The following PCP4 variants were observed in gnomAD, a reference collection of about 807,000 sequenced individuals.
The protein encoded by PCP4 is Purkinje cell protein 4, also known as calmodulin regulator protein PCP4.
In PCP4, 8 loss-of-function variants were observed where a neutral mutation model predicts 10.0. The observed-to-expected ratio is 0.80, with a 90% CI of 0.47 to 1.45. The LOEUF is 1.45. PCP4 is among the 40% of genes most tolerant of loss of function. PCP4 has a pLI of 0.00. For synonymous variants in PCP4, 21 were observed against 23.0 expected (o/e 0.91, Z 0.24); for missense variants, 54 against 74.4 (o/e 0.73, Z 1.01).
chr21:39,919,446 C>G (rs2087584363), intron 2 of PCP4, among the ~76,000 whole-genome samples: 1 of 152,186 alleles, frequency 6.6e-6, no homozygotes, highest in Non-Finnish European at 1.5e-5. Flanking sequence ...AATTTAGGTC[C>G]TTTTATAGTA....
At chr21:39,904,480 T>C (rs2087496982) in intron 2 of PCP4, among the ~76,000 whole-genome samples, 1 of 152,232 alleles carries the variant, frequency 6.6e-6, no homozygotes, top group African/African-American at 2.4e-5. Context: ...GAACCAAGGA[T>C]GATTGAGTGA....
At chr21:39,907,552 T>C (rs1230439121) in intron 2 of PCP4, among the ~76,000 whole-genome samples, 1 of 152,110 alleles carries the variant, frequency 6.6e-6, no homozygotes, top group Admixed American at 6.5e-5. Context: ...TCCCAGCACT[T>C]TGGGAGGCCG....
intron 1 of PCP4, among the ~76,000 whole-genome samples, chr21:39,888,774 G>A (rs1175202637): frequency 6.6e-6 from 1 of 152,202 alleles, no homozygotes; most frequent in Non-Finnish European, 1.5e-5. Context: ...CCCAGCCCAG[G>A]ACCTGGCTCA....
chr21:39,887,906 C>T (rs1158048490), intron 1 of PCP4, among the ~76,000 whole-genome samples: 1 of 152,196 alleles, frequency 6.6e-6, no homozygotes, highest in Non-Finnish European at 1.5e-5. Context: ...TTTTGTGTCT[C>T]TGCTGTGTGG....
chr21:39,897,530 A>G lies in PCP4; in HGVS notation c.10-946A>G, dbSNP rs533353838. On this transcript the variant is annotated intron_variant, in intron 1 of 2. Coordinates refer to ENST00000328619, the MANE Select transcript of PCP4 (RefSeq NM_006198.3). ...TAGAACCACGTTAAGCTTTGAGGAA[A>G]CACCCTTTCTGTTTACATGTGTGGT... Among the ~76,000 whole-genome samples, 7 of 152,310 alleles carry G rather than the reference A, an allele frequency of 4.6e-5. No individual in the cohort carries two copies. In the East Asian group the frequency reaches 1.3e-3, roughly 29 times the overall value.
chr21:39,929,196 G>A lies in PCP4; in HGVS notation c.*85G>A, dbSNP rs985130053. ...AATTAAAAGAACAACACCCTAGAGA[G>A]AAGTCATCCACACACAATCCACACA... On this transcript the variant is annotated 3_prime_UTR_variant, in exon 3 of 3. Transcript: ENST00000328619. 8 of 1,381,222 alleles carry A rather than the reference G, an allele frequency of 5.8e-6. No homozygotes were observed. Among genetic ancestry groups the A allele is most frequent in the African/African-American group, 1.4e-5 (1 of 69,102 alleles). The allele number at this position is 1,381,222 out of a possible 1,614,324, so 85.6% of individuals were successfully genotyped here. A position where few individuals can be genotyped will look rare whatever the true frequency, so the allele number is the denominator to read the frequency against.
chr21:39,877,012 A>C (rs2087349535), intron 1 of PCP4, among the ~76,000 whole-genome samples: 1 of 152,252 alleles, frequency 6.6e-6, no homozygotes, highest in South Asian at 2.1e-4. Flanking sequence ...TCATTTTAAA[A>C]TAGGGGACTG....
chr21:39,900,994 G>T (rs1460626359), intron 2 of PCP4, among the ~76,000 whole-genome samples: 3 of 152,114 alleles, frequency 2.0e-5, no homozygotes, highest in African/African-American at 7.2e-5. Flanking sequence ...AAAATGAAAA[G>T]TCATTATATT....
intron 2 of PCP4, among the ~76,000 whole-genome samples, chr21:39,912,128 A>C (rs956669343): frequency 2.0e-5 from 3 of 152,016 alleles, no homozygotes; most frequent in Non-Finnish European, 4.4e-5. Flanking sequence ...ATTCTATCTA[A>C]ATTTGTTTCT....
intron 1 of PCP4, among the ~76,000 whole-genome samples, chr21:39,880,136 A>ATATCTATATCTG (rs2087366686): frequency 3.0e-5 from 2 of 66,160 alleles, no homozygotes; most frequent in Admixed American, 1.4e-4. Flanking sequence ...ATCTGTATCT[A>ATATCTATATCTG]TATCTATATC....
At chr21:39,894,929 A>G (rs370116786) in intron 1 of PCP4, among the ~76,000 whole-genome samples, 19 of 152,328 alleles carry the variant, frequency 1.2e-4, no homozygotes, top group Admixed American at 7.8e-4. Context: ...GTCATGAAAA[A>G]GAATCTTTTC....
At chr21:39,899,434 C>A (rs1452408838) in intron 2 of PCP4, among the ~76,000 whole-genome samples, 1 of 152,124 alleles carries the variant, frequency 6.6e-6, no homozygotes, top group African/African-American at 2.4e-5. Context: ...ATCTCAAATA[C>A]CATCGGTTAA....
intron 1 of PCP4, among the ~76,000 whole-genome samples, chr21:39,879,881 C>T (rs374277323): frequency 1.3e-5 from 2 of 152,270 alleles, no homozygotes; most frequent in South Asian, 2.1e-4. Context: ...CCTTGTTAAA[C>T]ATTGATTAGA....
At chr21:39,919,701 G>A (rs2087585409) in intron 2 of PCP4, among the ~76,000 whole-genome samples, 1 of 151,466 alleles carries the variant, frequency 6.6e-6, no homozygotes, top group African/African-American at 2.4e-5. Context: ...TATGTCTATG[G>A]TGTGTGTGGT....
rs1019963234 is a variant in PCP4, at chr21:39,906,795, C to A, written c.61+8268C>A. Among the ~76,000 whole-genome samples the A allele has an allele frequency of 1.3e-5, 2 of 152,170 alleles. No individual in the cohort carries two copies. The highest frequency in any genetic ancestry group is 4.8e-5 in the African/African-American group (2 of 41,436). On this transcript the variant is annotated intron_variant, in intron 2 of 2. Transcript: ENST00000328619. This position sits in a 1 kb window ranked among gnomAD's most constrained non-coding sequence, Gnocchi z 6.3. ...CTCTTAAAGATCTTCAAGATCTTGG[C>A]CATGAAGCAGCTTGAACCAGGAAAA...
chr21:39,901,240 A>C (rs930432299), intron 2 of PCP4, among the ~76,000 whole-genome samples: 1 of 152,178 alleles, frequency 6.6e-6, no homozygotes, highest in Admixed American at 6.5e-5. Flanking sequence ...TATAATAATA[A>C]TATCTTTTAT....
chr21:39,898,603 T>C (rs569706286), intron 2 of PCP4, 76 bp downstream of exon 2: 12 of 1,119,112 alleles, frequency 1.1e-5, no homozygotes, highest in Admixed American at 7.0e-5. Context: ...GTGCGGATCA[T>C]ACATCCCATC....
chr21:39,875,911 C>A (rs374011619), intron 1 of PCP4, among the ~76,000 whole-genome samples: 2 of 152,070 alleles, frequency 1.3e-5, no homozygotes, highest in South Asian at 2.1e-4. Flanking sequence ...AACTGTACTT[C>A]TTTTTGAGTC....
intron 1 of PCP4, among the ~76,000 whole-genome samples, chr21:39,882,854 C>T (rs1212050038): frequency 6.6e-6 from 1 of 152,224 alleles, no homozygotes; most frequent in East Asian, 1.9e-4. Context: ...TCAGCCATAA[C>T]TTCTAGGGAT....
Sources: allele counts gnomAD v4.1 joint callset (sites outside exome capture counted in the v4.1 genomes callset), GRCh38; gene constraint gnomAD v4.1.1; non-coding constraint Gnocchi (gnomAD v3.1); transcripts MANE v1.5; gene names NCBI Gene and HGNC (gene_info 2026-07-23, HGNC 2026-07-21).